Variants in SSUH2 observed in about 807,000 individuals in gnomAD.
SSUH2 encodes ssu-2 homolog.
In SSUH2, 47 loss-of-function variants were observed where a neutral mutation model predicts 55.3. That is an observed-to-expected ratio of 0.85 (90% CI 0.67 to 1.08). The LOEUF (loss-of-function observed/expected upper bound fraction) is 1.08, where lower values mean the gene tolerates loss of function less well. Among genes scored for constraint, SSUH2 ranks in the 50% least tolerant of loss-of-function variants. The pLI, the probability that SSUH2 is intolerant of heterozygous loss-of-function variation, is 0.00. For synonymous variants in SSUH2, 212 were observed against 191.5 expected, an observed-to-expected ratio of 1.11 and a Z score of -0.89; for missense variants, 535 against 490.7, an observed-to-expected ratio of 1.09 and a Z score of -0.85.
intron 3 of SSUH2, 48 bp from the exon 4 acceptor site, chr3:8,633,843 G>A: frequency 2.5e-6 from 4 of 1,613,250 alleles, no homozygotes; most frequent in Non-Finnish European, 3.4e-6. Flanking sequence ...AAGGGCCTGT[G>A]GACTCACGCG....
chr3:8,656,968 C>T lies in SSUH2; in HGVS notation c.-307+1957G>A, dbSNP rs539912880. ...CAGTCTCAGCTCACTTCAACCTCCA[C>T]CTCCCAGGTTCAAGTGATTCTCTTG... On this transcript the variant is annotated intron_variant, in intron 7 of 18. Coordinates refer to the SSUH2 transcript ENST00000317371. Among the ~76,000 whole-genome samples the T allele has an allele frequency of 5.3e-5, 8 of 152,338 alleles. No individual in the cohort carries two copies. The East Asian group carries it at 1.2e-3, about 22-fold the overall frequency.
In SSUH2 at chr3:8,679,296, C is replaced by T. The variant is rs1343515863; in HGVS notation, c.-901+409G>A. Among the ~76,000 whole-genome samples, 2 of 75,028 alleles carry T rather than the reference C, an allele frequency of 2.7e-5. 1 individual carries two copies. Among genetic ancestry groups the T allele is most frequent in the South Asian group, 1.0e-3 (2 of 1,944 alleles). The allele number at this position is 75,028 out of a possible 152,430, so 49.2% of individuals were successfully genotyped here. A position where few individuals can be genotyped will look rare whatever the true frequency, so the allele number is the denominator to read the frequency against. On this transcript the variant is annotated intron_variant, in intron 2 of 18. Transcript: ENST00000317371. ...GACCCCCATCGGAGGGGGGGAGCCACCCCCCATGAGGCGGGGACTAAGAGC... is the reference window on the plus strand; with the variant it reads ...GACCCCCATCGGAGGGGGGGAGCCATCCCCCATGAGGCGGGGACTAAGAGC...
intron 1 of SSUH2, among the ~76,000 whole-genome samples, chr3:8,681,587 G>C (rs554705630): frequency 4.0e-5 from 6 of 150,854 alleles, no homozygotes; most frequent in Admixed American, 2.6e-4. Flanking sequence ...CGGGGACTGA[G>C]AGCCAGCCAC....
intron 1 of SSUH2, among the ~76,000 whole-genome samples, chr3:8,680,878 TATC>T (rs1369332994): frequency 2.2e-4 from 33 of 152,032 alleles, no homozygotes; most frequent in African/African-American, 8.0e-4. Context: ...TGGGGAGTAA[TATC>T]ATCCTCTCCC....
At chr3:8,633,492 C>T (rs1274743721) in intron 4 of SSUH2, among the ~76,000 whole-genome samples, 174 bp downstream of exon 4, 2 of 152,180 alleles carry the variant, frequency 1.3e-5, no homozygotes, top group Non-Finnish European at 2.9e-5. Flanking sequence ...CACTCACAGC[C>T]ACAGACAAGT....
intron 5 of SSUH2, among the ~76,000 whole-genome samples, chr3:8,665,966 G>A (rs2125386965): frequency 1.3e-5 from 2 of 152,088 alleles, no homozygotes; most frequent in Middle Eastern, 6.8e-3. Flanking sequence ...TGTGTTCAGA[G>A]GATCAAGGAG....
At chr3:8,634,451 C>T (rs1325920803) in intron 3 of SSUH2, 1 of 1,290,042 alleles carries the variant, frequency 7.8e-7, no homozygotes, top group Non-Finnish European at 1.0e-6. Context: ...CCTTCCTCCC[C>T]TTGCATCTTC....
At position 8,659,866 on chromosome 3, in the gene SSUH2, A is replaced by G. The variant is rs550015396; in HGVS notation, c.-395-853T>C. The G allele has an allele frequency of 8.9e-6, 4 of 450,652 alleles. 1 individual carries two copies. Among genetic ancestry groups the G allele is most frequent in the South Asian group, 4.8e-5 (3 of 62,824 alleles). The allele number at this position is 450,652 out of a possible 1,614,324, so 27.9% of individuals were successfully genotyped here. On this transcript the variant is annotated intron_variant, in intron 6 of 18. Transcript: ENST00000317371. ...AGAACACAGTCAATAAATGCTATGG[A>G]AAGTGGCATGGGTTCATGGGAATCT...
At chr3:8,673,552 T>C (rs1411293296) in intron 3 of SSUH2, among the ~76,000 whole-genome samples, 1 of 152,150 alleles carries the variant, frequency 6.6e-6, no homozygotes, top group Middle Eastern at 3.2e-3. Context: ...CAAGCCCTAA[T>C]TGATTTGCTC....
rs567950176 is a variant in SSUH2 at position 8,632,906 on chromosome 3, T to G, written c.339+760A>C. 3.2e-4 allele frequency among the ~76,000 whole-genome samples: 48 copies of G among 152,268 alleles called. No homozygotes were observed. In the South Asian group the frequency reaches 4.2e-3, roughly 13 times the overall value. Reference sequence around the variant, plus strand: ...GCCCATGCCTTGTGGAAGTATGAAGTGAGGACATAGGCTTTGAGGCTACCA... The same window carrying G: ...GCCCATGCCTTGTGGAAGTATGAAGGGAGGACATAGGCTTTGAGGCTACCA... On this transcript the variant is annotated intron_variant, in intron 4 of 11. Coordinates refer to ENST00000544814, the MANE Select transcript of SSUH2 (RefSeq NM_001256748.3).
rs566953640 is a variant in SSUH2 at position 8,681,489 on chromosome 3, C to T, written c.-1046+402G>A. Among the ~76,000 whole-genome samples the T allele has an allele frequency of 2.0e-4, 29 of 146,476 alleles. No homozygotes were observed. In the South Asian group the frequency reaches 3.5e-3, roughly 18 times the overall value. ...GACCCCCGTCGTAGGGGGGAGGCAG[C>T]CCCCACGAGGCGGGGACTGAGAGCC... On this transcript the variant is annotated intron_variant, in intron 1 of 18. Transcript: ENST00000317371.
upstream of SSUH2, among the ~76,000 whole-genome samples, chr3:8,646,843 C>T (rs1273661584): frequency 3.3e-5 from 5 of 152,186 alleles, no homozygotes; most frequent in East Asian, 1.9e-4. Context: ...CCACTATGTG[C>T]CTGACATCTG....
chr3:8,677,663 C>A lies in SSUH2; in HGVS notation c.-900-310G>T, dbSNP rs146365786. Among the ~76,000 whole-genome samples the A allele has an allele frequency of 3.3e-5, 5 of 150,968 alleles. No individual in the cohort carries two copies. The East Asian group carries it at 1.0e-3, about 31-fold the overall frequency. On this transcript the variant is annotated intron_variant, in intron 2 of 18. Transcript: ENST00000317371. ...GGCCCTGGCTGAGGCCGGTGGCCTA[C>A]GTCTCTAAACAACTAGACAGGGTTT...
chr3:8,648,120 C>T (rs929211380), upstream of SSUH2, among the ~76,000 whole-genome samples: 1 of 152,160 alleles, frequency 6.6e-6, no homozygotes, highest in Non-Finnish European at 1.5e-5. Flanking sequence ...GAGATGCGTT[C>T]ACAGATGCTT....
At chr3:8,633,373 ACC>A (rs1699242368) in intron 4 of SSUH2, among the ~76,000 whole-genome samples, 1 of 41,716 alleles carries the variant, frequency 2.4e-5, no homozygotes, top group Non-Finnish European at 7.0e-5. Flanking sequence ...AACCTGACTC[ACC>A]TCAGGTGATC....
chr3:8,681,364 T>A (rs1434737088), intron 1 of SSUH2, among the ~76,000 whole-genome samples: 1 of 137,870 alleles, frequency 7.3e-6, no homozygotes, highest in Non-Finnish European at 1.6e-5. Flanking sequence ...AGCCAGCCCC[T>A]TTTTTCCCCT....
At chr3:8,626,742 C>A (rs1054153397) in intron 8 of SSUH2, among the ~76,000 whole-genome samples, 1 of 152,110 alleles carries the variant, frequency 6.6e-6, no homozygotes, top group African/African-American at 2.4e-5. Flanking sequence ...AAGCTTGGAG[C>A]TACTGGTGAT....
At chr3:8,629,558 C>T in intron 7 of SSUH2, 106 bp downstream of exon 7, 1 of 938,942 alleles carries the variant, frequency 1.1e-6, no homozygotes, top group Non-Finnish European at 1.7e-6. Context: ...GCTGAGATGA[C>T]ACAGTTACTG....
rs182530481 is a variant in SSUH2 at position 8,679,675 on chromosome 3, A to G, written c.-901+30T>C. On this transcript the variant is annotated intron_variant, in intron 2 of 18. Coordinates refer to the SSUH2 transcript ENST00000317371. ...CTTCCCCCCCTGGCTTAGGACCCCC[A>G]TCGCGGATTCTAAGATCCTTAGGAC... 429 of 203,232 alleles carry G rather than the reference A, an allele frequency of 2.1e-3. 2 individuals carry two copies. The highest frequency in any genetic ancestry group is 2.5e-3 in the Middle Eastern group (1 of 394). 12.6% of individuals were successfully genotyped at this position (203,232 alleles called of 1,614,324 possible).
Sources: allele counts gnomAD v4.1 joint callset (sites outside exome capture counted in the v4.1 genomes callset), GRCh38; gene constraint gnomAD v4.1.1; transcripts MANE v1.5; gene names NCBI Gene and HGNC (gene_info 2026-07-23, HGNC 2026-07-21).